Variants in TGM6 observed in about 807,000 individuals in gnomAD.
The protein encoded by TGM6 is protein-glutamine gamma-glutamyltransferase 6.
TGM6 carries 74 observed loss-of-function variants against 77.5 expected under a neutral mutation model. That is an observed-to-expected ratio of 0.96 (90% confidence interval 0.79 to 1.16). TGM6 has a LOEUF of 1.16. TGM6 is among the 50% of genes most tolerant of loss of function. The pLI, the probability that TGM6 is intolerant of heterozygous loss-of-function variation, is 0.00. For missense variants in TGM6, 968 were observed against 940.2 expected (o/e 1.03, Z -0.39); for synonymous variants, 383 against 378.9 (o/e 1.01, Z -0.12).
chr20:2,410,485 T>C (rs1412317491), intron 9 of TGM6, among the ~76,000 whole-genome samples: 1 of 152,108 alleles, frequency 6.6e-6, no homozygotes, highest in Non-Finnish European at 1.5e-5. Context: ...TTTTTCTGAG[T>C]TCTGTGAACC....
At chr20:2,406,110 G>A (rs902635514) in intron 9 of TGM6, among the ~76,000 whole-genome samples, 1 of 152,080 alleles carries the variant, frequency 6.6e-6, no homozygotes, top group Non-Finnish European at 1.5e-5. Context: ...CAGGAACATG[G>A]CACTTTCTTG....
At chr20:2,428,922 C>T (rs1457234600) in intron 10 of TGM6, among the ~76,000 whole-genome samples, 1 of 152,122 alleles carries the variant, frequency 6.6e-6, no homozygotes, top group Non-Finnish European at 1.5e-5. Flanking sequence ...CTGCTAGGTT[C>T]AAGTAATTCT....
chr20:2,429,743 T>A (rs2084911405), intron 10 of TGM6, among the ~76,000 whole-genome samples: 1 of 151,300 alleles, frequency 6.6e-6, no homozygotes, highest in African/African-American at 2.4e-5. Flanking sequence ...CACTCCAGCC[T>A]CGCGACAGAG....
chr20:2,424,622 T>C (rs1406561040), intron 10 of TGM6, among the ~76,000 whole-genome samples: 1 of 152,256 alleles, frequency 6.6e-6, no homozygotes, highest in Non-Finnish European at 1.5e-5. Context: ...TGCTTTCTTA[T>C]CATTCCTATG....
Position 2,432,708 on chromosome 20 carries a change from C to A in TGM6, c.*65C>A. The A allele has an allele frequency of 6.2e-7, 1 of 1,610,730 alleles. No individual in the cohort carries two copies. Among genetic ancestry groups the A allele is most frequent in the Non-Finnish European group, 8.5e-7 (1 of 1,177,800 alleles). ...TCCTCCTCCTGCCCATTCTTTGTCT[C>A]TTCCACATGGGAGCCAGGAGGCCTC... On this transcript the variant is annotated 3_prime_UTR_variant, in exon 13 of 13. Transcript: ENST00000202625.
At chr20:2,386,609 C>T (rs1194440519) in intron 1 of TGM6, among the ~76,000 whole-genome samples, 1 of 152,184 alleles carries the variant, frequency 6.6e-6, no homozygotes, top group Non-Finnish European at 1.5e-5. Context: ...AAGCTGGGAC[C>T]ATGATCAAGT....
intron 1 of TGM6, among the ~76,000 whole-genome samples, chr20:2,383,747 G>T (rs1020207932): frequency 9.9e-5 from 15 of 152,142 alleles, no homozygotes; most frequent in Non-Finnish European, 7.3e-5. Flanking sequence ...CCCCGTGCAT[G>T]TAGGAATTGG....
In TGM6 at chr20:2,418,246, G is replaced by A. The variant is rs149535489; in HGVS notation, c.1678+673G>A. 7.5e-3 allele frequency among the ~76,000 whole-genome samples: 1,140 copies of A among 152,270 alleles called. 18 individuals are homozygous for A. The highest frequency in any genetic ancestry group is 0.026 in the African/African-American group (1,079 of 41,548). ...CAGGCTGGACTCGAGTGATCTGCCC[G>A]CCTTGGCCTCCCAAAGTGCTGGGAT... On this transcript the variant is annotated intron_variant, in intron 10 of 12. Coordinates refer to ENST00000202625, the MANE Select transcript of TGM6 (RefSeq NM_198994.3).
intron 12 of TGM6, 110 bp downstream of exon 12, chr20:2,431,137 G>A (rs1342534259): frequency 1.4e-6 from 2 of 1,421,508 alleles, no homozygotes; most frequent in African/African-American, 1.4e-5. Context: ...GACACCCCAG[G>A]AACCAGCCCA....
At chr20:2,425,518 C>G (rs918306977) in intron 10 of TGM6, among the ~76,000 whole-genome samples, 5 of 152,150 alleles carry the variant, frequency 3.3e-5, no homozygotes, top group Non-Finnish European at 7.3e-5. Flanking sequence ...GTATGCCTGT[C>G]TTTGTCCATT....
chr20:2,421,000 T>A lies in TGM6; in HGVS notation c.1678+3427T>A, dbSNP rs957715402. ...TTGAGTTTTTAATTTTTTTTTTTTATTTTTTGAGACAGAGTCTCGCTCCGT... is the reference window on the plus strand; with the variant it reads ...TTGAGTTTTTAATTTTTTTTTTTTAATTTTTGAGACAGAGTCTCGCTCCGT... On this transcript the variant is annotated intron_variant, in intron 10 of 12. Coordinates refer to ENST00000202625, the MANE Select transcript of TGM6 (RefSeq NM_198994.3). Among the ~76,000 whole-genome samples, 14 of 152,070 alleles carry A rather than the reference T, an allele frequency of 9.2e-5. No homozygotes were observed. The East Asian group carries it at 1.2e-3, about 13-fold the overall frequency.
intron 10 of TGM6, among the ~76,000 whole-genome samples, chr20:2,421,221 G>A (rs1467653912): frequency 1.3e-5 from 2 of 152,176 alleles, no homozygotes; most frequent in African/African-American, 4.8e-5. Flanking sequence ...TCCTGACCTC[G>A]TGATCCACCT....
At chr20:2,423,632 T>C (rs1227181415) in intron 10 of TGM6, among the ~76,000 whole-genome samples, 1 of 152,188 alleles carries the variant, frequency 6.6e-6, no homozygotes, top group Non-Finnish European at 1.5e-5. Context: ...GGAATCAACT[T>C]CTTTCCAACT....
intron 10 of TGM6, among the ~76,000 whole-genome samples, chr20:2,419,970 C>T (rs1381176106): frequency 2.6e-5 from 4 of 152,118 alleles, no homozygotes; most frequent in Admixed American, 1.3e-4. Context: ...TTGGGCCAGG[C>T]GCAGTGGCTC....
chr20:2,410,300 G>A (rs891233969), intron 9 of TGM6, among the ~76,000 whole-genome samples: 1 of 152,140 alleles, frequency 6.6e-6, no homozygotes, highest in African/African-American at 2.4e-5. Context: ...ATGGGGTTTG[G>A]AGAGGTTCCA....
chr20:2,406,899 C>T lies in TGM6; in HGVS notation c.1336+3076C>T, dbSNP rs140596212. ...CACAGGAGAAATTAACATCCTGTTA[C>T]ATGATAACAGTGATGACAATCACTG... On this transcript the variant is annotated intron_variant, in intron 9 of 12. Transcript: ENST00000202625. 2.3e-5 allele frequency among the ~76,000 whole-genome samples: 3 copies of T among 131,074 alleles called. 1 individual carries two copies. Among genetic ancestry groups the T allele is most frequent in the African/African-American group, 8.0e-5 (3 of 37,274 alleles). 86.0% of individuals were successfully genotyped at this position (131,074 alleles called of 152,430 possible).
intron 12 of TGM6, 137 bp downstream of exon 12, chr20:2,431,164 G>A (rs1315482144): frequency 4.9e-6 from 5 of 1,027,132 alleles, no homozygotes; most frequent in Admixed American, 2.8e-5. Flanking sequence ...ATACATATCA[G>A]CCTTCATTCA....
chr20:2,393,270 A>C (rs2084640445), intron 1 of TGM6, among the ~76,000 whole-genome samples: 1 of 152,230 alleles, frequency 6.6e-6, no homozygotes, highest in East Asian at 1.9e-4. Context: ...TCTTCATTTC[A>C]GCTGTCATAC....
chr20:2,415,498 A>G (rs2084809918), intron 9 of TGM6, among the ~76,000 whole-genome samples: 1 of 152,166 alleles, frequency 6.6e-6, no homozygotes. Flanking sequence ...CAGATAGGAA[A>G]ACTAAAGCTT....
Sources: allele counts gnomAD v4.1 joint callset (sites outside exome capture counted in the v4.1 genomes callset), GRCh38; gene constraint gnomAD v4.1.1; transcripts MANE v1.5; gene names NCBI Gene and HGNC (gene_info 2026-07-23, HGNC 2026-07-21).